Variants in BAHD1 observed in about 807,000 individuals in gnomAD.
BAHD1 encodes the protein bromo adjacent homology domain containing 1.
Under a neutral mutation model 63.1 loss-of-function variants are expected in BAHD1, and 20 were observed. The ratio of observed to expected loss-of-function variants is 0.32; its 90% CI spans 0.22 to 0.46. The LOEUF is 0.46. Among genes scored for constraint, BAHD1 ranks in the 20% least tolerant of loss-of-function variants. The probability of loss-of-function intolerance (pLI) is 1.00; values close to 1 mark genes in which losing one functional copy is unlikely to be tolerated. For synonymous variants in BAHD1, 408 were observed against 426.8 expected, an observed-to-expected ratio of 0.96 and a Z score of 0.54; for missense variants, 939 against 1,071.8, an observed-to-expected ratio of 0.88 and a Z score of 1.73.
chr15:40,466,252 T>G lies in BAHD1; in HGVS notation c.*122T>G. Reference sequence around the variant, plus strand: ...GCCTAAGTTTGCTGGCCTGTGGTTTTCTTGGGGGGGAGGGCAGGGGCCCCT... The same window carrying G: ...GCCTAAGTTTGCTGGCCTGTGGTTTGCTTGGGGGGGAGGGCAGGGGCCCCT... On this transcript the variant is annotated 3_prime_UTR_variant, in exon 7 of 7. Transcript: ENST00000416165. The G allele has an allele frequency of 8.3e-5, 42 of 504,132 alleles. No individual in the cohort carries two copies. Among genetic ancestry groups the G allele is most frequent in the Middle Eastern group, 6.4e-4 (1 of 1,558 alleles). 31.2% of individuals were successfully genotyped at this position (504,132 alleles called of 1,614,324 possible).
intron 2 of BAHD1, among the ~76,000 whole-genome samples, chr15:40,461,091 A>G (rs771973074): frequency 6.6e-6 from 1 of 151,934 alleles, no homozygotes; most frequent in East Asian, 1.9e-4. Context: ...GTTCTCCCCC[A>G]CTTTCCTAGC....
intron 1 of BAHD1, among the ~76,000 whole-genome samples, chr15:40,455,969 T>C (rs751057584): frequency 3.3e-5 from 5 of 150,954 alleles, no homozygotes; most frequent in Non-Finnish European, 7.4e-5. Flanking sequence ...TGGGATGATG[T>C]TGTTGTTGTT....
intron 4 of BAHD1, 69 bp downstream of exon 4, chr15:40,464,089 C>A: frequency 6.4e-7 from 1 of 1,553,102 alleles, no homozygotes; most frequent in Middle Eastern, 2.2e-4. Flanking sequence ...CCCAGATTGG[C>A]CCCTGCCTGG....
chr15:40,452,397 A>C (rs1477069785), intron 1 of BAHD1, among the ~76,000 whole-genome samples: 1 of 152,234 alleles, frequency 6.6e-6, no homozygotes, highest in Non-Finnish European at 1.5e-5. Flanking sequence ...GGCAGGACGC[A>C]CACCTTCTGA....
chr15:40,456,308 C>T (rs753867519), intron 1 of BAHD1, among the ~76,000 whole-genome samples: 15 of 152,144 alleles, frequency 9.9e-5, no homozygotes, highest in East Asian at 1.9e-4. Context: ...CAGACAGGGA[C>T]GGGTGGTCAC....
chr15:40,461,768 A>G (rs1260438482), intron 2 of BAHD1, 144 bp from the exon 3 acceptor site: 7 of 954,034 alleles, frequency 7.3e-6, no homozygotes, highest in Non-Finnish European at 9.0e-6. Flanking sequence ...CTGACAGTCC[A>G]CCATAAAAAG....
chr15:40,458,367 G>C lies in BAHD1; in HGVS notation c.-14-84G>C. The C allele has an allele frequency of 6.7e-7, 1 of 1,494,110 alleles. No individual in the cohort carries two copies. Among genetic ancestry groups the C allele is most frequent in the African/African-American group, 1.4e-5 (1 of 71,358 alleles). 92.6% of individuals were successfully genotyped at this position (1,494,110 alleles called of 1,614,324 possible). A position where few individuals can be genotyped will look rare whatever the true frequency, so the allele number is the denominator to read the frequency against. Reference sequence around the variant, plus strand: ...TGTAGGCCAGGATCACTGCACCTGGGGCTGGGTAGGCTGCAGTGGGAGAGA... The same window carrying C: ...TGTAGGCCAGGATCACTGCACCTGGCGCTGGGTAGGCTGCAGTGGGAGAGA... On this transcript the variant is annotated intron_variant, in intron 1 of 6. Transcript: ENST00000416165. This position sits in a 1 kb window ranked among gnomAD's most constrained non-coding sequence, Gnocchi z 4.7.
chr15:40,457,990 C>G (rs945959095), intron 1 of BAHD1, among the ~76,000 whole-genome samples: 6 of 152,198 alleles, frequency 3.9e-5, no homozygotes, highest in African/African-American at 1.4e-4. Context: ...TCCAGCGAGA[C>G]TCCGTCTCTC....
At chr15:40,448,692 A>G (rs968437117) in intron 1 of BAHD1, among the ~76,000 whole-genome samples, 1 of 152,066 alleles carries the variant, frequency 6.6e-6, no homozygotes, top group Admixed American at 6.6e-5. Flanking sequence ...ACACACCACC[A>G]TGCCCGACTA....
chr15:40,444,986 TCTC>T (rs1893496477), intron 1 of BAHD1, among the ~76,000 whole-genome samples: 1 of 151,884 alleles, frequency 6.6e-6, no homozygotes, highest in Admixed American at 6.6e-5. Flanking sequence ...CTACTACTTC[TCTC>T]CTCCTTCTAC....
At chr15:40,464,131 C>G in intron 4 of BAHD1, 111 bp downstream of exon 4, 2 of 1,285,772 alleles carry the variant, frequency 1.6e-6, no homozygotes, top group South Asian at 2.9e-5. Flanking sequence ...CCCCGTGTTC[C>G]TGGCACAGAG....
intron 1 of BAHD1, among the ~76,000 whole-genome samples, chr15:40,450,035 G>A (rs1893657892): frequency 1.3e-5 from 2 of 152,098 alleles, no homozygotes; most frequent in African/African-American, 4.8e-5. Context: ...ACACAGGGTG[G>A]GGCAGGTGGA....
chr15:40,444,735 TTC>T (rs1893489302), intron 1 of BAHD1, among the ~76,000 whole-genome samples: 1 of 152,148 alleles, frequency 6.6e-6, no homozygotes, highest in Non-Finnish European at 1.5e-5. Context: ...TCTCTCAGGC[TTC>T]TGTTTTGGTT....
Position 40,462,154 on chromosome 15 carries a change from G to A in BAHD1, c.1675G>A (p.Ala559Thr), listed in dbSNP as rs371637973. 3.0e-5 allele frequency: 49 copies of A among 1,612,012 alleles called. No individual in the cohort carries two copies. The African/African-American group carries it at 4.7e-4, about 15-fold the overall frequency. ...LRTGSSCRHT[A>T]RSKAARRPSH... ...CACAGGCTCCAGCTGCAGGCACACT[G>A]CAAGGAGCAAGGCTGCCCGCAGGCC... The change falls in exon 3 of 7, where the codon GCA (alanine) becomes ACA (threonine). Residue 559 changes from alanine (A) to threonine (T), a missense_variant. Physicochemically the swap from Ala to Thr is moderately conservative, Grantham distance 58. Around this residue, in one of 5 missense-constraint regions of BAHD1, gnomAD observed 797 missense variants for 813.3 expected, o/e 0.98. Transcript: ENST00000416165.
intron 1 of BAHD1, among the ~76,000 whole-genome samples, chr15:40,442,340 GCTTGCCGCT>G (rs1427173905): frequency 6.6e-6 from 1 of 151,968 alleles, no homozygotes; most frequent in Non-Finnish European, 1.5e-5. Context: ...TGCGGCACTG[GCTTGCCGCT>G]CTAGCCGCTC....
At chr15:40,462,711 G>A (rs1475836434) in intron 3 of BAHD1, among the ~76,000 whole-genome samples, 1 of 152,186 alleles carries the variant, frequency 6.6e-6, no homozygotes, top group African/African-American at 2.4e-5. Context: ...GATGAAAAGA[G>A]GCCAAGTGCG....
intron 3 of BAHD1, among the ~76,000 whole-genome samples, chr15:40,462,546 G>C (rs921734235): frequency 2.6e-5 from 4 of 152,068 alleles, no homozygotes; most frequent in Non-Finnish European, 5.9e-5. Context: ...CTGCCATCTC[G>C]GTGAGTGTCT....
Position 40,458,962 on chromosome 15 carries a change from C to G in BAHD1, c.498C>G (p.Ser166=). 1 of 1,587,194 alleles carries G rather than the reference C, an allele frequency of 6.3e-7. No individual in the cohort carries two copies. The highest frequency in any genetic ancestry group is 8.6e-7 in the Non-Finnish European group (1 of 1,164,466). ...ATCGTGCTACTGGGGGCTGGTCCTCCTCCAAGAAGCGGCCCCGGCTGGGGG... is the reference window on the plus strand; with the variant it reads ...ATCGTGCTACTGGGGGCTGGTCCTCGTCCAAGAAGCGGCCCCGGCTGGGGG... ...DRDRATGGWS[S]SKKRPRLGDL... Residue 166 remains serine (S), a synonymous_variant, in exon 2 of 7, where the codon TCC becomes TCG. Transcript: ENST00000416165. The surrounding 1 kb of genome is among the most constrained non-coding windows in gnomAD (Gnocchi z 4.7).
intron 6 of BAHD1, among the ~76,000 whole-genome samples, 176 bp from the exon 7 acceptor site, chr15:40,465,761 GAGAA>G (rs1894181518): frequency 6.6e-6 from 1 of 152,240 alleles, no homozygotes; most frequent in Admixed American, 6.5e-5. Context: ...TCCAGTGACA[GAGAA>G]GATAGCCTGG....
Sources: gnomAD v4.1 joint callset for allele counts (sites outside exome capture counted in the v4.1 genomes callset) on GRCh38, gnomAD v4.1.1 for gene constraint, gnomAD v4.1.1 regional missense constraint, Gnocchi (gnomAD v3.1) non-coding constraint, MANE v1.5 for transcripts, NCBI Gene and HGNC (gene_info 2026-07-23, HGNC 2026-07-21) for gene names.